AP2A2: variants seen among roughly 807,000 people sequenced by gnomAD.
AP2A2 encodes adaptor related protein complex 2 subunit alpha 2.
A neutral mutation model predicts 104.2 loss-of-function variants in AP2A2; 32 were observed. The observed-to-expected ratio is 0.31, with a 90% CI of 0.23 to 0.41. The LOEUF is 0.41. AP2A2 is among the 10% of genes least tolerant of loss of function. The pLI is 1.00. For missense variants in AP2A2, 912 were observed against 1,261.0 expected (o/e 0.72, Z 4.19); for synonymous variants, 539 against 533.3 (o/e 1.01, Z -0.15).
rs569284826 is a variant in AP2A2 at position 960,557 on chromosome 11, T to C, written c.136+1052T>C. On this transcript the variant is annotated intron_variant, in intron 2 of 21. Coordinates refer to ENST00000448903, the MANE Select transcript of AP2A2 (RefSeq NM_012305.4). ...CCGGCCCAGCTGATTTTTGTACTTT[T>C]AGTAGAGACGGGGTTTCTCCATGTT... Among the ~76,000 whole-genome samples, 6 of 152,116 alleles carry C rather than the reference T, an allele frequency of 3.9e-5. No individual in the cohort carries two copies. The South Asian group carries it at 1.2e-3, about 32-fold the overall frequency.
In AP2A2 at chr11:941,581, T is replaced by G. The variant is rs373006263; in HGVS notation, c.67+15493T>G. ...ACAGGCATGAGCCACTGTGGCTGGC[T>G]GCTTTCTTATTCTTTTTTTTTTTTG... On this transcript the variant is annotated intron_variant, in intron 1 of 21. Coordinates refer to ENST00000448903, the MANE Select transcript of AP2A2 (RefSeq NM_012305.4). Among the ~76,000 whole-genome samples, 10 of 151,524 alleles carry G rather than the reference T, an allele frequency of 6.6e-5. No homozygotes were observed. The East Asian group carries it at 1.8e-3, about 27-fold the overall frequency.
At chr11:954,610 T>C (rs1225394350) in intron 1 of AP2A2, among the ~76,000 whole-genome samples, 2 of 152,172 alleles carry the variant, frequency 1.3e-5, no homozygotes, top group Non-Finnish European at 1.5e-5. Context: ...TGTGTATTTG[T>C]GTGTATTTGG....
chr11:974,343 A>C (rs143962589), intron 4 of AP2A2, among the ~76,000 whole-genome samples: 2 of 152,320 alleles, frequency 1.3e-5, no homozygotes, highest in East Asian at 3.9e-4. Context: ...CCTTCCTTGA[A>C]GAAAAGGGCT....
rs970072739 is a variant in AP2A2, at chr11:1,009,790, G to A, written c.2715G>A (p.Leu905=). The change falls in exon 21 of 22, where the codon CTG becomes CTA. Residue 905 remains leucine (L), a synonymous_variant. Transcript: ENST00000448903. ...AAACCACCCAGATTGGATGCCTGCT[G>A]CGCTTGGAGCCGAACCTGCAAGCCC... is the stretch of plus-strand genomic sequence containing the variant. ...HTKTTQIGCL[L]RLEPNLQAQM... is the part of the protein sequence containing the mutation. 3 of 1,548,552 alleles carry A rather than the reference G, an allele frequency of 1.9e-6. No homozygotes were observed. The African/African-American group carries it at 4.1e-5, about 21-fold the overall frequency.
At position 972,111 on chromosome 11, in the gene AP2A2, G is replaced by T; in HGVS notation, c.329G>T (p.Arg110Leu). The T allele has an allele frequency of 6.2e-7, 1 of 1,613,716 alleles. No individual in the cohort carries two copies. Among genetic ancestry groups the T allele is most frequent in the Non-Finnish European group, 8.5e-7 (1 of 1,179,796 alleles). The change falls in exon 4 of 22, where the codon CGC becomes CTC. Residue 110 changes from arginine (R) to leucine (L), a missense_variant. Coordinates refer to ENST00000448903, the MANE Select transcript of AP2A2 (RefSeq NM_012305.4). ...VLVNSNSELI[R>L]LINNAIKNDL... is the part of the protein sequence containing the mutation. The stretch of plus-strand genomic sequence containing the variant: ...GTGAACTCAAACAGTGAGCTGATCC[G>T]CCTGATCAACAACGCCATCAAGAAT...
intron 1 of AP2A2, among the ~76,000 whole-genome samples, chr11:956,270 C>T (rs182431951): frequency 1.3e-5 from 2 of 151,974 alleles, no homozygotes; most frequent in East Asian, 1.9e-4. Flanking sequence ...TCAAGTGATT[C>T]GTCTGTCTCA....
rs1355253149 is a variant in AP2A2, at chr11:992,168, G to A, written c.1270-335G>A. ...CAGAGGTCAGAGGAGTGCTGCCACC[G>A]GGAGCCTAGGGTGATGAGGTCAGAG... is the stretch of plus-strand genomic sequence containing the variant. On this transcript the variant is annotated intron_variant, in intron 10 of 21. Transcript: ENST00000448903. This position sits in a 1 kb window ranked among gnomAD's most constrained non-coding sequence, Gnocchi z 6.4. Among the ~76,000 whole-genome samples, 5 of 152,016 alleles carry A rather than the reference G, an allele frequency of 3.3e-5. No individual in the cohort carries two copies. The East Asian group carries it at 9.7e-4, about 29-fold the overall frequency.
chr11:949,517 C>T (rs537873203), intron 1 of AP2A2, among the ~76,000 whole-genome samples: 1 of 152,228 alleles, frequency 6.6e-6, no homozygotes, highest in Non-Finnish European at 1.5e-5. Context: ...TGGCTCACAC[C>T]TGTAATCCCA....
At chr11:945,240 A>C (rs1422174942) in intron 1 of AP2A2, among the ~76,000 whole-genome samples, 2 of 152,150 alleles carry the variant, frequency 1.3e-5, no homozygotes, top group Admixed American at 1.3e-4. Flanking sequence ...ATGTGGCTGG[A>C]GACCAAGGTG....
intron 1 of AP2A2, among the ~76,000 whole-genome samples, chr11:953,057 A>G (rs547253962): frequency 6.6e-6 from 1 of 152,166 alleles, no homozygotes; most frequent in South Asian, 2.1e-4. Flanking sequence ...TGCAGCTTCT[A>G]CTAGAGCGTT....
chr11:953,688 C>T (rs559635369), intron 1 of AP2A2, among the ~76,000 whole-genome samples: 89 of 152,018 alleles, frequency 5.9e-4, no homozygotes, highest in Non-Finnish European at 1.1e-3. Flanking sequence ...GCTTTTGCGT[C>T]GTCTCTGCTC....
intron 1 of AP2A2, among the ~76,000 whole-genome samples, chr11:947,231 G>A (rs978266986): frequency 6.6e-6 from 1 of 151,910 alleles, no homozygotes; most frequent in Admixed American, 6.6e-5. Context: ...GGCTGGTCTC[G>A]AACTCCTGAC....
chr11:990,633 T>C (rs376454976), intron 10 of AP2A2, among the ~76,000 whole-genome samples: 1 of 152,026 alleles, frequency 6.6e-6, no homozygotes, highest in East Asian at 1.9e-4. Context: ...TGCATGATGC[T>C]CCCCCCAGCC....
chr11:985,701 C>T, intron 8 of AP2A2, 119 bp downstream of exon 8: 1 of 1,402,550 alleles, frequency 7.1e-7, no homozygotes, highest in Admixed American at 2.2e-5. Flanking sequence ...CCCCTTCGTC[C>T]TGCCTCTGTG....
chr11:1,007,982 T>C (rs1856265879), intron 17 of AP2A2, 30 bp from the exon 18 acceptor site: 2 of 1,552,112 alleles, frequency 1.3e-6, no homozygotes, highest in African/African-American at 2.7e-5. Context: ...CCACTGGGAC[T>C]TGCTCAGCTG....
At chr11:949,795 C>T (rs1341542103) in intron 1 of AP2A2, among the ~76,000 whole-genome samples, 1 of 128,356 alleles carries the variant, frequency 7.8e-6, no homozygotes, top group Non-Finnish European at 1.7e-5. Flanking sequence ...AAAAAAAAAA[C>T]AGGTTTATAC....
chr11:990,668 TC>T (rs1855614520), intron 10 of AP2A2, among the ~76,000 whole-genome samples: 2 of 151,698 alleles, frequency 1.3e-5, no homozygotes, highest in Admixed American at 1.3e-4. Context: ...GACATGATGC[TC>T]CCCTCACCCC....
intron 5 of AP2A2, 58 bp downstream of exon 5, chr11:977,282 TTGTGAAGACACCATGGTGCGCC>T: frequency 6.5e-7 from 1 of 1,528,752 alleles, no homozygotes; most frequent in African/African-American, 1.4e-5. Flanking sequence ...GGGATGGCCG[TTGTGAAGACACCATGGTGCGCC>T]TTCTCGGGAT....
rs561898828 is a variant in AP2A2, at chr11:1,002,011, C to T, written c.2123+1413C>T. 4.6e-5 allele frequency among the ~76,000 whole-genome samples: 7 copies of T among 152,348 alleles called. No individual in the cohort carries two copies. In the East Asian group the frequency reaches 1.4e-3, roughly 29 times the overall value. ...GGCTGTGGTGGCTGCTGGCACACGG[C>T]TCACAGGACAGGGCGGCTGCATTCT... On this transcript the variant is annotated intron_variant, in intron 15 of 21. Transcript: ENST00000448903.
Sources: gnomAD v4.1 joint callset for allele counts (sites outside exome capture counted in the v4.1 genomes callset) on GRCh38, gnomAD v4.1.1 for gene constraint, Gnocchi (gnomAD v3.1) non-coding constraint, MANE v1.5 for transcripts, NCBI Gene and HGNC (gene_info 2026-07-23, HGNC 2026-07-21) for gene names.